Variants in CADM2 observed in about 807,000 individuals in gnomAD.
CADM2 encodes the protein immunoglobulin superfamily member 4D.
Under a neutral mutation model 49.8 loss-of-function variants are expected in CADM2, and 12 were observed. The ratio of observed to expected loss-of-function variants is 0.24; its 90% CI spans 0.15 to 0.39. CADM2 has a LOEUF of 0.39. Ranked by LOEUF, CADM2 falls within the 10% of genes least tolerant of loss-of-function variation. The pLI is 1.00. For missense variants in CADM2, 378 were observed against 492.3 expected, an observed-to-expected ratio of 0.77 and a Z score of 2.20; for synonymous variants, 214 against 175.4, an observed-to-expected ratio of 1.22 and a Z score of -1.74.
At chr3:85,334,373 G>C (rs1326309416) in intron 1 of CADM2, among the ~76,000 whole-genome samples, 1 of 151,538 alleles carries the variant, frequency 6.6e-6, no homozygotes, top group African/African-American at 2.4e-5. Context: ...AATTTAAGTT[G>C]ACTTCAGTGT....
intron 1 of CADM2, among the ~76,000 whole-genome samples, chr3:85,189,877 ATAT>A (rs2041164603): frequency 7.3e-6 from 1 of 136,546 alleles, no homozygotes; most frequent in African/African-American, 3.5e-5. Context: ...TTGTCCGGAG[ATAT>A]TATCAGTATC....
At chr3:85,676,929 G>A (rs1171055670) in intron 1 of CADM2, among the ~76,000 whole-genome samples, 1 of 151,808 alleles carries the variant, frequency 6.6e-6, no homozygotes, top group African/African-American at 2.4e-5. Context: ...CATTAGTTCT[G>A]GTTCCATTCT....
intron 1 of CADM2, among the ~76,000 whole-genome samples, chr3:85,599,123 T>A (rs1043032299): frequency 6.6e-6 from 1 of 152,048 alleles, no homozygotes; most frequent in African/African-American, 2.4e-5. Flanking sequence ...ATTGTCATAT[T>A]GCATTTAAGG....
intron 1 of CADM2, among the ~76,000 whole-genome samples, chr3:84,986,668 G>A (rs895367158): frequency 6.6e-6 from 1 of 151,660 alleles, no homozygotes; most frequent in Non-Finnish European, 1.5e-5. Flanking sequence ...ACGAGTTAAC[G>A]GGTGCAGCAC....
chr3:85,236,652 G>A (rs530877566), intron 1 of CADM2, among the ~76,000 whole-genome samples: 3 of 152,214 alleles, frequency 2.0e-5, no homozygotes, highest in African/African-American at 7.2e-5. Context: ...GGTGACATGT[G>A]AATGAAATAT....
chr3:85,698,919 T>C (rs1008406261), intron 1 of CADM2, among the ~76,000 whole-genome samples: 3 of 152,176 alleles, frequency 2.0e-5, no homozygotes, highest in African/African-American at 7.2e-5. Context: ...TCCAATGTCC[T>C]GTCTGAGACA....
At chr3:85,780,524 G>A (rs528428937) in intron 2 of CADM2, among the ~76,000 whole-genome samples, 80 of 152,194 alleles carry the variant, frequency 5.3e-4, no homozygotes, top group African/African-American at 1.8e-3. Flanking sequence ...ATCCTCTTAT[G>A]GACAAATTTC....
chr3:85,314,117 C>CGA (rs1559774483), intron 1 of CADM2, among the ~76,000 whole-genome samples: 1 of 151,896 alleles, frequency 6.6e-6, no homozygotes, highest in Non-Finnish European at 1.5e-5. Flanking sequence ...CTCGATCTCC[C>CGA]GACCTCCTGA....
intron 1 of CADM2, among the ~76,000 whole-genome samples, chr3:85,692,709 T>G (rs1217392680): frequency 1.3e-5 from 2 of 152,212 alleles, no homozygotes; most frequent in Non-Finnish European, 2.9e-5. Context: ...ACTTACTCCC[T>G]GGTTACTCAT....
At chr3:86,039,155 G>A (rs1298597827) in intron 8 of CADM2, among the ~76,000 whole-genome samples, 1 of 152,080 alleles carries the variant, frequency 6.6e-6, no homozygotes, top group Non-Finnish European at 1.5e-5. Flanking sequence ...GCAGAAGATG[G>A]GTGATTTCTG....
chr3:85,372,626 A>T (rs1392455837), intron 1 of CADM2, among the ~76,000 whole-genome samples: 3 of 151,990 alleles, frequency 2.0e-5, no homozygotes, highest in Non-Finnish European at 1.5e-5. Flanking sequence ...TTGGGTCCTA[A>T]TACTAGAAAT....
chr3:85,343,245 C>A (rs2030136494), intron 1 of CADM2, among the ~76,000 whole-genome samples: 1 of 152,156 alleles, frequency 6.6e-6, no homozygotes, highest in Admixed American at 6.5e-5. Context: ...CATAATAATT[C>A]ATTTTATCCT....
At chr3:85,295,395 G>C (rs897022715) in intron 1 of CADM2, among the ~76,000 whole-genome samples, 1 of 152,156 alleles carries the variant, frequency 6.6e-6, no homozygotes, top group Non-Finnish European at 1.5e-5. Context: ...ATTCCTCAGG[G>C]ATCTAGAACT....
chr3:85,417,966 A>G (rs1258652393), intron 1 of CADM2, among the ~76,000 whole-genome samples: 5 of 152,144 alleles, frequency 3.3e-5, no homozygotes, highest in Non-Finnish European at 7.4e-5. Flanking sequence ...GGTTCCTTAG[A>G]CATACTTTAA....
rs2044614710 is a variant in CADM2 at position 85,321,639 on chromosome 3, CTT to C, written c.61+361974_61+361975del. Among the ~76,000 whole-genome samples, 3 of 152,104 alleles carry C rather than the reference CTT, an allele frequency of 2.0e-5. No individual in the cohort carries two copies. In the South Asian group the frequency reaches 6.2e-4, roughly 32 times the overall value. ...AAACAGTATAATTTGATTTTATTAA[CTT>C]TTCGTAAATTTGGCTTATACATCTC... On this transcript the variant is annotated intron_variant, in intron 1 of 9. Coordinates refer to ENST00000383699, the MANE Select transcript of CADM2 (RefSeq NM_001167675.2).
chr3:85,392,530 C>A (rs1203423878), intron 1 of CADM2, among the ~76,000 whole-genome samples: 1 of 151,968 alleles, frequency 6.6e-6, no homozygotes, highest in Non-Finnish European at 1.5e-5. Context: ...TAAGTCTTTT[C>A]TTCTTTAGGC....
At chr3:85,349,367 T>C (rs568946303) in intron 1 of CADM2, among the ~76,000 whole-genome samples, 1 of 152,328 alleles carries the variant, frequency 6.6e-6, no homozygotes, top group South Asian at 2.1e-4. Flanking sequence ...AAAACTGGAA[T>C]TGGGAGGTTA....
intron 1 of CADM2, among the ~76,000 whole-genome samples, chr3:85,307,044 T>G (rs2044229829): frequency 6.6e-6 from 1 of 151,674 alleles, no homozygotes; most frequent in Admixed American, 6.6e-5. Context: ...TGCATTATTG[T>G]GTGCGTGTTT....
chr3:85,568,800 GT>G (rs1015376609), intron 1 of CADM2, among the ~76,000 whole-genome samples: 52 of 151,506 alleles, frequency 3.4e-4, no homozygotes, highest in African/African-American at 1.2e-3. Flanking sequence ...TGGAGATGGG[GT>G]TTCACCATAT....
Sources: gnomAD v4.1 joint callset for allele counts (sites outside exome capture counted in the v4.1 genomes callset) on GRCh38, gnomAD v4.1.1 for gene constraint, MANE v1.5 for transcripts, NCBI Gene and HGNC (gene_info 2026-07-23, HGNC 2026-07-21) for gene names.